SLC5A11: variants seen among roughly 807,000 people sequenced by gnomAD.
SLC5A11 encodes the protein sodium/myo-inositol cotransporter 2.
In SLC5A11, 48 loss-of-function variants were observed where a neutral mutation model predicts 69.8. The observed-to-expected ratio is 0.69, with a 90% confidence interval of 0.55 to 0.87. The LOEUF (loss-of-function observed/expected upper bound fraction) is 0.87, where lower values mean the gene tolerates loss of function less well. SLC5A11 is among the 40% of genes least tolerant of loss of function. The pLI, the probability that SLC5A11 is intolerant of heterozygous loss-of-function variation, is 0.00. For synonymous variants in SLC5A11, 319 were observed against 342.4 expected (o/e 0.93, Z 0.75); for missense variants, 784 against 866.1 (o/e 0.91, Z 1.19).
chr16:24,898,518 T>A (rs2152393840), intron 10 of SLC5A11, among the ~76,000 whole-genome samples: 1 of 151,382 alleles, frequency 6.6e-6, no homozygotes, highest in Non-Finnish European at 1.5e-5. Flanking sequence ...TCCTTTTTTT[T>A]TTTTTGCATT....
chr16:24,885,914 TTACAA>T (rs1414154073), intron 8 of SLC5A11, among the ~76,000 whole-genome samples: 3 of 151,678 alleles, frequency 2.0e-5, no homozygotes, highest in African/African-American at 2.4e-5. Flanking sequence ...TTACAGAAGA[TTACAA>T]TACATTTTCT....
intron 2 of SLC5A11, among the ~76,000 whole-genome samples, chr16:24,861,010 A>G (rs907835143): frequency 1.3e-5 from 2 of 151,858 alleles, no homozygotes; most frequent in African/African-American, 4.8e-5. Flanking sequence ...CCCAGCCAGT[A>G]TTGTTAATAT....
intron 9 of SLC5A11, among the ~76,000 whole-genome samples, chr16:24,897,332 T>A (rs1022810202): frequency 6.6e-6 from 1 of 152,046 alleles, no homozygotes; most frequent in Non-Finnish European, 1.5e-5. Context: ...CCTTCATGGA[T>A]CATAGTAGCC....
At chr16:24,848,356 C>G (rs573998610) in intron 1 of SLC5A11, among the ~76,000 whole-genome samples, 1 of 152,188 alleles carries the variant, frequency 6.6e-6, no homozygotes, top group Non-Finnish European at 1.5e-5. Context: ...TGCCTGCAAC[C>G]TCAGTGCTTT....
chr16:24,872,850 A>C (rs561289786), intron 5 of SLC5A11, among the ~76,000 whole-genome samples: 1 of 148,866 alleles, frequency 6.7e-6, no homozygotes, highest in East Asian at 2.1e-4. Context: ...TTTGCTAAAA[A>C]ATAAAAATAA....
chr16:24,879,790 G>C (rs1168180139), intron 7 of SLC5A11, among the ~76,000 whole-genome samples: 1 of 152,148 alleles, frequency 6.6e-6, no homozygotes, highest in African/African-American at 2.4e-5. Context: ...TTCTGTTCCT[G>C]CATTAATTCA....
intron 8 of SLC5A11, among the ~76,000 whole-genome samples, chr16:24,886,150 T>G (rs1263125204): frequency 6.6e-6 from 1 of 151,776 alleles, no homozygotes. Flanking sequence ...TTCTCCTGCC[T>G]CAGCCTCCCA....
At chr16:24,908,096 A>C (rs1300239590) in exon 13 of SLC5A11, 1 of 1,605,760 alleles carries the variant, frequency 6.2e-7, no homozygotes, top group African/African-American at 1.3e-5. Flanking sequence ...GGTGGTCTTC[A>C]TCATGGGATG....
chr16:24,907,873 A>T, intron 12 of SLC5A11, 90 bp from the exon 14 acceptor site: 1 of 1,544,010 alleles, frequency 6.5e-7, no homozygotes, highest in Middle Eastern at 1.8e-4. Flanking sequence ...GCAACAGAAC[A>T]AGACCCTGTC....
intron 3 of SLC5A11, among the ~76,000 whole-genome samples, chr16:24,864,484 TAGA>T (rs140821810): frequency 0.015 from 2,306 of 152,192 alleles, 34 homozygotes; most frequent in African/African-American, 0.039. Flanking sequence ...CAAGAATGAA[TAGA>T]AGAAACAACA....
intron 1 of SLC5A11, 100 bp from the exon 3 acceptor site, chr16:24,858,520 A>G (rs2059627473): frequency 2.9e-6 from 3 of 1,027,828 alleles, no homozygotes; most frequent in Admixed American, 2.8e-5. Context: ...ATCCCTCCAC[A>G]TGGGTCCTCT....
At chr16:24,849,593 A>AAAAAAAAATAT in intron 1 of SLC5A11, among the ~76,000 whole-genome samples, 3 of 35,922 alleles carry the variant, frequency 8.4e-5, no homozygotes, top group African/African-American at 2.8e-4. Context: ...AAAAAAAAAA[A>AAAAAAAAATAT]ATATATATAT....
chr16:24,891,145 C>G, intron 9 of SLC5A11, 71 bp downstream of exon 10: 1 of 1,474,642 alleles, frequency 6.8e-7, no homozygotes, highest in South Asian at 1.2e-5. Flanking sequence ...GAAGTCGGTG[C>G]TTTTTTCTTC....
intron 10 of SLC5A11, among the ~76,000 whole-genome samples, chr16:24,906,376 T>C (rs13339160): frequency 0.69 from 105,122 of 151,288 alleles, 37,285 homozygotes; most frequent in African/African-American, 0.79. Flanking sequence ...TATTGTAAGA[T>C]TGGCCACTAG....
chr16:24,903,284 T>C (rs939676433), intron 10 of SLC5A11, among the ~76,000 whole-genome samples: 2 of 152,168 alleles, frequency 1.3e-5, no homozygotes, highest in African/African-American at 4.8e-5. Flanking sequence ...CATTATACAA[T>C]GTGTAATGAC....
At chr16:24,906,935 C>T (rs1176940048) in intron 11 of SLC5A11, 90 bp from the exon 13 acceptor site, 13 of 1,546,118 alleles carry the variant, frequency 8.4e-6, no homozygotes, top group Admixed American at 1.9e-5. Flanking sequence ...GCCGTCCTCC[C>T]TGAGGTTCTG....
chr16:24,887,473 A>G (rs1053035802), intron 8 of SLC5A11, among the ~76,000 whole-genome samples: 4 of 152,200 alleles, frequency 2.6e-5, no homozygotes, highest in Admixed American at 2.0e-4. Context: ...AACATCATGA[A>G]GAAGAAATAC....
chr16:24,899,167 T>C (rs2152395633), intron 10 of SLC5A11, among the ~76,000 whole-genome samples: 1 of 152,288 alleles, frequency 6.6e-6, no homozygotes, highest in African/African-American at 2.4e-5. Context: ...TCTAGGCATC[T>C]AGTGACTCTA....
At chr16:24,870,806 G>A (rs2047247456) in intron 4 of SLC5A11, among the ~76,000 whole-genome samples, 1 of 130,230 alleles carries the variant, frequency 7.7e-6, no homozygotes, top group South Asian at 2.5e-4. Flanking sequence ...AAAAAAAAAG[G>A]GTGTGTGAAG....
Sources: allele counts gnomAD v4.1 joint callset (sites outside exome capture counted in the v4.1 genomes callset), GRCh38; gene constraint gnomAD v4.1.1; transcripts MANE v1.5; gene names NCBI Gene and HGNC (gene_info 2026-07-23, HGNC 2026-07-21).